The following MED1 variants were observed in gnomAD, a reference collection of about 807,000 sequenced individuals.
MED1 encodes mediator of RNA polymerase II transcription subunit 1.
A neutral mutation model predicts 121.3 loss-of-function variants in MED1; 17 were observed. The observed-to-expected ratio is 0.14, with a 90% CI of 0.10 to 0.21. The LOEUF is 0.21. Among genes scored for constraint, MED1 ranks in the 10% least tolerant of loss-of-function variants. The pLI, the probability that MED1 is intolerant of heterozygous loss-of-function variation, is 1.00. For missense variants in MED1, 1,558 were observed against 1,919.4 expected (o/e 0.81, Z 3.52); for synonymous variants, 661 against 694.4 (o/e 0.95, Z 0.76).
rs1597848310 is a variant in MED1 at position 39,405,981 on chromosome 17, G to A, written c.*1494C>T. 1.0e-6 allele frequency: 1 copy of A among 985,216 alleles called. No individual in the cohort carries two copies. The highest frequency in any genetic ancestry group is 6.2e-5 in the Admixed American group (1 of 16,244). The allele number at this position is 985,216 out of a possible 1,614,324, so 61.0% of individuals were successfully genotyped here. A position where few individuals can be genotyped will look rare whatever the true frequency, so the allele number is the denominator to read the frequency against. ...ATCCCGCTGATACAGATCCTGAATG[G>A]AATAATCAGGAATGGCACAGTGCAG... On this transcript the variant is annotated 3_prime_UTR_variant, in exon 17 of 17. Coordinates refer to ENST00000300651, the MANE Select transcript of MED1 (RefSeq NM_004774.4).
At chr17:39,443,203 T>C (rs926509209) in intron 3 of MED1, among the ~76,000 whole-genome samples, 14 of 151,696 alleles carry the variant, frequency 9.2e-5, no homozygotes, top group South Asian at 8.3e-4. Context: ...GGTTTCACCA[T>C]GTTGGCCAGG....
At chr17:39,414,774 A>T (rs187725963) in intron 16 of MED1, among the ~76,000 whole-genome samples, 56 of 148,304 alleles carry the variant, frequency 3.8e-4, no homozygotes, top group Admixed American at 1.4e-3. Flanking sequence ...GGTTCAAGTT[A>T]TTCTTCTGCA....
At chr17:39,431,650 A>G (rs531238125) in intron 8 of MED1, among the ~76,000 whole-genome samples, 10 of 152,172 alleles carry the variant, frequency 6.6e-5, no homozygotes, top group Non-Finnish European at 5.9e-5. Flanking sequence ...TTCACCTCCA[A>G]AGTAAAGGGA....
At chr17:39,446,884 G>A (rs1408590281) in intron 2 of MED1, among the ~76,000 whole-genome samples, 1 of 152,056 alleles carries the variant, frequency 6.6e-6, no homozygotes, top group African/African-American at 2.4e-5. Context: ...AAGCTGCAGT[G>A]AGCCATGATC....
chr17:39,429,702 TAAAAAAAAAA>T (rs757034804), intron 9 of MED1, among the ~76,000 whole-genome samples: 17 of 48,968 alleles, frequency 3.5e-4, no homozygotes, highest in African/African-American at 1.5e-3. Context: ...CCTAAATGCC[TAAAAAAAAAA>T]AAAAAAAAAA....
intron 10 of MED1, among the ~76,000 whole-genome samples, chr17:39,427,120 T>C (rs1190810743): frequency 6.6e-6 from 1 of 152,176 alleles, no homozygotes; most frequent in Non-Finnish European, 1.5e-5. Flanking sequence ...AAGCTGATTA[T>C]CTCAGGTCAG....
chr17:39,435,294 C>T (rs191919971), intron 6 of MED1, among the ~76,000 whole-genome samples: 429 of 152,122 alleles, frequency 2.8e-3, no homozygotes, highest in Non-Finnish European at 5.3e-3. Context: ...TGGGTACTCT[C>T]GAGGCAAAAT....
At chr17:39,413,301 C>T (rs1378912270) in intron 16 of MED1, among the ~76,000 whole-genome samples, 1 of 152,126 alleles carries the variant, frequency 6.6e-6, no homozygotes, top group African/African-American at 2.4e-5. Context: ...CTCACTCTAT[C>T]ACCCAGGCTA....
chr17:39,439,120 A>G (rs773884077), intron 6 of MED1, 45 bp downstream of exon 6: 1 of 1,557,092 alleles, frequency 6.4e-7, no homozygotes, highest in Non-Finnish European at 8.7e-7. Flanking sequence ...TGTAAAGAAC[A>G]GCACTGTCTG....
chr17:39,424,819 T>C (rs1482272965), intron 10 of MED1, 81 bp from the exon 11 acceptor site: 2 of 790,602 alleles, frequency 2.5e-6, no homozygotes, highest in Non-Finnish European at 4.3e-6. Flanking sequence ...AGGTTAATTT[T>C]TGCAATATTT....
At chr17:39,438,857 G>A (rs1227594854) in intron 6 of MED1, among the ~76,000 whole-genome samples, 1 of 152,106 alleles carries the variant, frequency 6.6e-6, no homozygotes, top group Non-Finnish European at 1.5e-5. Flanking sequence ...GCTGAGGCAG[G>A]AAAATCGCTT....
intron 5 of MED1, among the ~76,000 whole-genome samples, chr17:39,439,548 G>C (rs2048651729): frequency 6.6e-6 from 1 of 152,126 alleles, no homozygotes; most frequent in South Asian, 2.1e-4. Flanking sequence ...ATCTGTTCTT[G>C]ATTATAATCT....
Position 39,419,877 on chromosome 17 carries a change from A to G in MED1, c.1137T>C (p.Asp379=), listed in dbSNP as rs542899865. 6.2e-7 allele frequency: 1 copy of G among 1,614,132 alleles called. No homozygotes were observed. The stretch of plus-strand genomic sequence containing the variant: ...GACTTCGGCCATCTGGAAGAGGAGC[A>G]TCCTTGTTGAGGAAATAGCAGTGCT... ...GQQHCYFLNK[D]APLPDGRSLQ... The change falls in exon 14 of 17, where the codon GAT becomes GAC. Residue 379 remains aspartate, a synonymous_variant. Coordinates refer to ENST00000300651, the MANE Select transcript of MED1 (RefSeq NM_004774.4).
chr17:39,415,051 C>A lies in MED1; in HGVS notation c.1474G>T (p.Asp492Tyr). The A allele has an allele frequency of 1.2e-6, 2 of 1,614,036 alleles. No homozygotes were observed. Among genetic ancestry groups the A allele is most frequent in the South Asian group, 2.2e-5 (2 of 91,038 alleles). Reference sequence around the variant, plus strand: ...CTTTGAACAACTTTGGCAATGAAGTCATCTGTGCAGATCAGTGCATCCGAC... The same window carrying A: ...CTTTGAACAACTTTGGCAATGAAGTAATCTGTGCAGATCAGTGCATCCGAC... ...GLSDALICTD[D>Y]FIAKVVQRCM... Residue 492 changes from aspartate (D) to tyrosine (Y), a missense_variant, in exon 16 of 17, where the codon GAC becomes TAC. Asp to Tyr is a radical substitution (Grantham distance 160). Coordinates refer to ENST00000300651, the MANE Select transcript of MED1 (RefSeq NM_004774.4).
At chr17:39,450,927 T>A in intron 1 of MED1, 111 bp downstream of exon 1, 1 of 890,942 alleles carries the variant, frequency 1.1e-6, no homozygotes, top group Non-Finnish European at 1.8e-6. Flanking sequence ...TTCCCTCTCC[T>A]GGACTCTATG....
chr17:39,437,698 G>A lies in MED1; in HGVS notation c.428+1467C>T, dbSNP rs1260560614. On this transcript the variant is annotated intron_variant, in intron 6 of 16. Transcript: ENST00000300651. ...GCCTATAATCCCAGCACTTTGGGAG[G>A]CCAAGGCAGGAGGATCACCTGAGGT... Among the ~76,000 whole-genome samples, 30 of 151,972 alleles carry A rather than the reference G, an allele frequency of 2.0e-4. 1 individual carries two copies. Among genetic ancestry groups the A allele is most frequent in the Admixed American group, 2.0e-3 (30 of 15,254 alleles).
At chr17:39,420,849 G>A (rs1370979988) in intron 13 of MED1, among the ~76,000 whole-genome samples, 1 of 140,882 alleles carries the variant, frequency 7.1e-6, no homozygotes, top group Non-Finnish European at 1.5e-5. Flanking sequence ...AGGCTGGAGT[G>A]CAGTGGCACG....
chr17:39,424,592 T>C (rs749743898), intron 11 of MED1, 35 bp downstream of exon 11: 42 of 1,406,048 alleles, frequency 3.0e-5, no homozygotes, highest in Non-Finnish European at 4.0e-5. Flanking sequence ...TTGAGAAAAA[T>C]TGACTTTGCT....
chr17:39,409,993 C>T lies in MED1; in HGVS notation c.2228G>A (p.Ser743Asn), dbSNP rs1346856396. ...AGTTGTTGGGGGAGTGCTACACTGG[C>T]TTGGAGCTGGAGTGATGTGTGGCGT... ...LDTPHITPAP[S>N]QCSTPPTTYP... The change falls in exon 17 of 17, where the codon AGC becomes AAC. Residue 743 changes from serine to asparagine, a missense_variant. By Grantham distance (46) the Ser-to-Asn change is conservative (BLOSUM62 1). Coordinates refer to ENST00000300651, the MANE Select transcript of MED1 (RefSeq NM_004774.4). The T allele has an allele frequency of 3.1e-6, 5 of 1,613,902 alleles. No individual in the cohort carries two copies. In the African/African-American group the frequency reaches 6.7e-5, roughly 22 times the overall value.
Sources: gnomAD v4.1 joint callset for allele counts (sites outside exome capture counted in the v4.1 genomes callset) on GRCh38, gnomAD v4.1.1 for gene constraint, MANE v1.5 for transcripts, NCBI Gene and HGNC (gene_info 2026-07-23, HGNC 2026-07-21) for gene names.